Variants in CSMD2 observed in about 807,000 individuals in gnomAD.
CSMD2 encodes the protein CUB and sushi domain-containing protein 2.
Under a neutral mutation model 398.5 loss-of-function variants are expected in CSMD2, and 130 were observed. That is an observed-to-expected ratio of 0.33 (90% CI 0.28 to 0.38). CSMD2 has a LOEUF of 0.38. Ranked by LOEUF, CSMD2 falls within the 10% of genes least tolerant of loss-of-function variation. The probability of loss-of-function intolerance (pLI) is 1.00; values close to 1 mark genes in which losing one functional copy is unlikely to be tolerated. For missense variants in CSMD2, 3,829 were observed against 4,764.9 expected (o/e 0.80, Z 5.78); for synonymous variants, 1,828 against 1,908.5 (o/e 0.96, Z 1.10).
chr1:33,997,888 C>G (rs1315758798), intron 3 of CSMD2, among the ~76,000 whole-genome samples: 1 of 152,150 alleles, frequency 6.6e-6, no homozygotes, highest in Non-Finnish European at 1.5e-5. Context: ...GGAATGCCTT[C>G]TTTTCTCGAA....
chr1:33,637,077 T>C (rs1054917708), intron 29 of CSMD2, among the ~76,000 whole-genome samples: 1 of 152,192 alleles, frequency 6.6e-6, no homozygotes, highest in African/African-American at 2.4e-5. Context: ...TTTCTCTTCC[T>C]CTCTCTTCTG....
intron 3 of CSMD2, among the ~76,000 whole-genome samples, chr1:34,024,984 C>A (rs1649440506): frequency 1.3e-5 from 2 of 152,236 alleles, no homozygotes; most frequent in Non-Finnish European, 2.9e-5. Flanking sequence ...CTCCCATGTA[C>A]TTGCTTCCAA....
chr1:33,763,281 T>A lies in CSMD2; in HGVS notation c.1846+9288A>T, dbSNP rs112647061. Among the ~76,000 whole-genome samples the A allele has an allele frequency of 4.6e-3, 699 of 152,288 alleles. 7 individuals carry two copies. The highest frequency in any genetic ancestry group is 0.015 in the African/African-American group (626 of 41,562). On this transcript the variant is annotated intron_variant, in intron 13 of 70. Transcript: ENST00000373381. Reference sequence around the variant, plus strand: ...TGACACAAAACTTTCCCCAAGCAACTGGCATACAGTATGTGTTCCATACTA... The same window carrying A: ...TGACACAAAACTTTCCCCAAGCAACAGGCATACAGTATGTGTTCCATACTA...
chr1:33,790,801 ATATCTATCTATCTATCTATC>A (rs3078814), intron 11 of CSMD2, among the ~76,000 whole-genome samples: 2 of 148,448 alleles, frequency 1.3e-5, no homozygotes, highest in Non-Finnish European at 3.0e-5. Flanking sequence ...CATCTCTCTA[ATATCTATCTATCTATCTATC>A]TATCTATCTA....
chr1:33,641,783 G>A (rs1421636373), intron 29 of CSMD2, among the ~76,000 whole-genome samples: 1 of 152,170 alleles, frequency 6.6e-6, no homozygotes, highest in Non-Finnish European at 1.5e-5. Context: ...GGGTCCGTCG[G>A]TCTAGTTGTC....
intron 10 of CSMD2, among the ~76,000 whole-genome samples, chr1:33,803,955 A>G (rs1256307235): frequency 7.9e-5 from 12 of 152,244 alleles, no homozygotes. Context: ...CAGCCCAGCT[A>G]TGTAAGTGCA....
chr1:34,091,530 A>C (rs1336491361), intron 1 of CSMD2, among the ~76,000 whole-genome samples: 1 of 152,188 alleles, frequency 6.6e-6, no homozygotes, highest in Non-Finnish European at 1.5e-5. Flanking sequence ...GATGCTGATA[A>C]ATTGACTCGA....
At chr1:34,094,002 CAGAG>C (rs1206931364) in intron 1 of CSMD2, among the ~76,000 whole-genome samples, 1 of 151,892 alleles carries the variant, frequency 6.6e-6, no homozygotes, top group East Asian at 1.9e-4. Context: ...TAAGGGCAGC[CAGAG>C]AGAAAGGTCA....
chr1:33,773,510 G>A (rs1310869741), intron 12 of CSMD2, among the ~76,000 whole-genome samples: 2 of 152,216 alleles, frequency 1.3e-5, no homozygotes, highest in Non-Finnish European at 2.9e-5. Context: ...TGATGGGCTG[G>A]CTACCTCACC....
At chr1:33,592,200 T>C (rs1307978948) in intron 44 of CSMD2, 4 of 567,906 alleles carry the variant, frequency 7.0e-6, no homozygotes. Context: ...CCAAGGAAAT[T>C]TTTCCACTTC....
At chr1:33,727,939 A>G (rs1373037942) in intron 15 of CSMD2, among the ~76,000 whole-genome samples, 3 of 151,936 alleles carry the variant, frequency 2.0e-5, no homozygotes, top group Non-Finnish European at 2.9e-5. Flanking sequence ...CTGGGGGTTG[A>G]CTCCACCTCA....
intron 42 of CSMD2, 127 bp downstream of exon 42, chr1:33,605,155 A>T: frequency 1.1e-6 from 1 of 895,200 alleles, no homozygotes; most frequent in Admixed American, 2.5e-5. Context: ...AACAGGATGG[A>T]CCACAGTTTG....
rs144036622 is a variant in CSMD2 at position 33,710,745 on chromosome 1, G to T, written c.3407-1487C>A. On this transcript the variant is annotated intron_variant, in intron 21 of 70. Coordinates refer to ENST00000373381, the MANE Select transcript of CSMD2 (RefSeq NM_001281956.2). ...GTACTAGGCTGAGGCAGCATAGATG[G>T]AGAACATGGAAACCTTCAGAACATG... Among the ~76,000 whole-genome samples, 148 of 88,866 alleles carry T rather than the reference G, an allele frequency of 1.7e-3. 2 individuals carry two copies. In the East Asian group the frequency reaches 0.039, roughly 23 times the overall value. 58.3% of individuals were successfully genotyped at this position (88,866 alleles called of 152,430 possible). A position where few individuals can be genotyped will look rare whatever the true frequency, so the allele number is the denominator to read the frequency against.
chr1:33,630,738 T>C (rs1642419252), intron 32 of CSMD2, among the ~76,000 whole-genome samples: 1 of 152,114 alleles, frequency 6.6e-6, no homozygotes, highest in African/African-American at 2.4e-5. Context: ...AAAATATAAA[T>C]TAACACAAAA....
At chr1:33,975,513 A>ACACACACACACACACAC (rs1553268750) in intron 3 of CSMD2, among the ~76,000 whole-genome samples, 4 of 150,502 alleles carry the variant, frequency 2.7e-5, no homozygotes, top group South Asian at 2.1e-4. Flanking sequence ...ACACACACAC[A>ACACACACACACACACAC]AGTGCATAAA....
At chr1:34,007,618 A>C (rs12037087) in intron 3 of CSMD2, among the ~76,000 whole-genome samples, 19,646 of 152,194 alleles carry the variant, frequency 0.13, 2,116 homozygotes, top group East Asian at 0.39. Flanking sequence ...GGAAATAATC[A>C]GATGCATCCC....
At position 33,578,107 on chromosome 1, in the gene CSMD2, G is replaced by A. The variant is rs145193080; in HGVS notation, c.7388-623C>T. Among the ~76,000 whole-genome samples, 390 of 152,294 alleles carry A rather than the reference G, an allele frequency of 2.6e-3. 1 individual carries two copies. Among genetic ancestry groups the A allele is most frequent in the Middle Eastern group, 0.01 (3 of 294 alleles). On this transcript the variant is annotated intron_variant, in intron 48 of 70. Transcript: ENST00000373381. ...AGTGGTCATTGTCCTTCTTTGTGCT[G>A]TGTGGGGGAATGTGCTGAGACTGAC... is the stretch of plus-strand genomic sequence containing the variant.
upstream of CSMD2, chr1:34,165,411 A>G (rs934643126): frequency 1.1e-4 from 89 of 829,632 alleles, 1 homozygote; most frequent in South Asian, 2.5e-3. Context: ...AGCTAAGGAT[A>G]AAATATTGGG....
At chr1:33,605,674 T>C (rs1166429310) in intron 41 of CSMD2, among the ~76,000 whole-genome samples, 1 of 152,200 alleles carries the variant, frequency 6.6e-6, no homozygotes, top group Non-Finnish European at 1.5e-5. Flanking sequence ...CTAAGTAGGA[T>C]AACACATACA....
Sources: gnomAD v4.1 joint callset for allele counts (sites outside exome capture counted in the v4.1 genomes callset) on GRCh38, gnomAD v4.1.1 for gene constraint, MANE v1.5 for transcripts, NCBI Gene and HGNC (gene_info 2026-07-23, HGNC 2026-07-21) for gene names.